TTYH3: variants seen among roughly 807,000 people sequenced by gnomAD.
TTYH3 encodes the protein tweety family member 3, also known as protein tweety homolog 3.
In TTYH3, 23 loss-of-function variants were observed where a neutral mutation model predicts 68.2. That is an observed-to-expected ratio of 0.34 (90% CI 0.24 to 0.48). TTYH3 has a LOEUF of 0.48. TTYH3 is among the 20% of genes least tolerant of loss of function. The pLI is 0.99. For missense variants in TTYH3, 768 were observed against 727.7 expected (o/e 1.06, Z -0.64); for synonymous variants, 360 against 332.8 (o/e 1.08, Z -0.89).
At chr7:2,637,108 G>T (rs770101632) in intron 1 of TTYH3, among the ~76,000 whole-genome samples, 2 of 152,056 alleles carry the variant, frequency 1.3e-5, no homozygotes, top group Admixed American at 6.5e-5. Context: ...CGGGACCCCC[G>T]CCTGCCCCCC....
At chr7:2,634,394 G>T (rs1425574115) in intron 1 of TTYH3, among the ~76,000 whole-genome samples, 2 of 152,112 alleles carry the variant, frequency 1.3e-5, no homozygotes, top group Non-Finnish European at 2.9e-5. Context: ...GGCCTGGGCT[G>T]TGGCAGGCGC....
intron 1 of TTYH3, among the ~76,000 whole-genome samples, chr7:2,644,250 C>A (rs988163504): frequency 6.6e-6 from 1 of 152,210 alleles, no homozygotes; most frequent in Non-Finnish European, 1.5e-5. Context: ...CTGGCAGGGC[C>A]TGCAGTCACA....
rs1412931886 is a variant in TTYH3, at chr7:2,661,637, C to T, written c.1501-31C>T. On this transcript the variant is annotated intron_variant, in intron 13 of 13. Transcript: ENST00000258796. ...TGGCTGCGTGCGCCATGCAGGGGCC[C>T]TGCTGATGCCTCCCCCTTGTCTCCC... is the stretch of plus-strand genomic sequence containing the variant. 7 of 1,606,590 alleles carry T rather than the reference C, an allele frequency of 4.4e-6. No individual in the cohort carries two copies. In the South Asian group the frequency reaches 7.8e-5, roughly 18 times the overall value.
Position 2,658,965 on chromosome 7 carries a change from C to G in TTYH3, c.1450C>G (p.Pro484Ala). Residue 484 changes from proline to alanine, a missense_variant, in exon 13 of 14, where the codon CCC becomes GCC. Pro to Ala is a conservative substitution (Grantham distance 27). Transcript: ENST00000258796. ...GAGCCAGAACGCTAATTTCCAGAACCCCCGCTGTGAGAACACCCCACTCAT... is the reference window on the plus strand; with the variant it reads ...GAGCCAGAACGCTAATTTCCAGAACGCCCGCTGTGAGAACACCCCACTCAT... ...YMSQNANFQN[P>A]RCENTPLIGR... is the part of the protein sequence containing the mutation. 1 of 1,614,084 alleles carries G rather than the reference C, an allele frequency of 6.2e-7. No individual in the cohort carries two copies. Among genetic ancestry groups the G allele is most frequent in the South Asian group, 1.1e-5 (1 of 91,072 alleles).
intron 13 of TTYH3, 42 bp downstream of exon 13, chr7:2,659,057 CT>C: frequency 6.4e-7 from 1 of 1,573,996 alleles, no homozygotes; most frequent in South Asian, 1.1e-5. Flanking sequence ...GCTGCTCAGC[CT>C]TGGGGGTCCG....
chr7:2,655,707 C>T (rs931875675), intron 9 of TTYH3, among the ~76,000 whole-genome samples: 2 of 152,230 alleles, frequency 1.3e-5, no homozygotes, highest in Non-Finnish European at 2.9e-5. Flanking sequence ...GTATGAGACT[C>T]TTCCCTTGTC....
chr7:2,658,312 AGGCCGCTCCAG>A lies in TTYH3; in HGVS notation c.1284_1294del (p.Pro429AlafsTer24). 6.3e-7 allele frequency: 1 copy of A among 1,595,754 alleles called. No homozygotes were observed. The highest frequency in any genetic ancestry group is 8.5e-7 in the Non-Finnish European group (1 of 1,170,938). On this transcript the variant is annotated frameshift_variant, in exon 12 of 14. Transcript: ENST00000258796. LOFTEE classifies it high-confidence loss of function. ...GGCCCTGATGAGGACGGGGAGGAGG[AGGCCGCTCCAG>A]GGCCGCGGCAGGCGCACGACAGCCT...
At chr7:2,658,871 G>T (rs1786411380) in intron 12 of TTYH3, 69 bp from the exon 13 acceptor site, 1 of 1,498,828 alleles carries the variant, frequency 6.7e-7, no homozygotes. Flanking sequence ...CTACCCATGG[G>T]CCCCCCGACC....
At chr7:2,659,828 C>G (rs987573393) in intron 13 of TTYH3, 1 of 1,216,478 alleles carries the variant, frequency 8.2e-7, no homozygotes, top group Admixed American at 2.7e-5. Flanking sequence ...CGGCTGCCCT[C>G]GTCCTCGCCA....
At chr7:2,636,375 T>G (rs1400161027) in intron 1 of TTYH3, among the ~76,000 whole-genome samples, 1 of 152,126 alleles carries the variant, frequency 6.6e-6, no homozygotes, top group Non-Finnish European at 1.5e-5. Context: ...GAAGCGTCCC[T>G]CCAGCTGGGT....
rs1238636651 is a variant in TTYH3 at position 2,632,277 on chromosome 7, A to G, written c.122A>G (p.Gln41Arg). The change falls in exon 1 of 14, where the codon CAG (glutamine) becomes CGG (arginine). Residue 41 changes from glutamine to arginine, a missense_variant and splice_region_variant. Transcript: ENST00000258796. ...QFRPEDTDYQ[Q>R]ALLLLGAAAL... ...CGGCCCGAGGACACCGACTACCAGC[A>G]GGTGACATGGGCCTCTCGGGGTCGC... The G allele has an allele frequency of 6.3e-7, 1 of 1,579,442 alleles. No homozygotes were observed. The highest frequency in any genetic ancestry group is 8.6e-7 in the Non-Finnish European group (1 of 1,160,070).
Position 2,656,076 on chromosome 7 carries a change from G to C in TTYH3, c.1021-16G>C, listed in dbSNP as rs1180496358. 6.5e-7 allele frequency: 1 copy of C among 1,528,734 alleles called. No individual in the cohort carries two copies. The highest frequency in any genetic ancestry group is 1.2e-5 in the South Asian group (1 of 83,250). The allele number at this position is 1,528,734 out of a possible 1,614,324, so 94.7% of individuals were successfully genotyped here. A position where few individuals can be genotyped will look rare whatever the true frequency, so the allele number is the denominator to read the frequency against. On this transcript the variant is annotated splice_polypyrimidine_tract_variant and intron_variant, in intron 9 of 13. Coordinates refer to ENST00000258796, the MANE Select transcript of TTYH3 (RefSeq NM_025250.3). ...TCCAAATGAAGTGCTGACCATCTGC[G>C]GTGCGTGCCCCCCAGGACCCCCTCC...
intron 11 of TTYH3, among the ~76,000 whole-genome samples, chr7:2,657,476 G>A (rs1208862672): frequency 6.6e-6 from 1 of 151,984 alleles, no homozygotes; most frequent in East Asian, 1.9e-4. Flanking sequence ...GATGGCATTG[G>A]TGATGTCGGT....
At chr7:2,652,054 C>CA in intron 7 of TTYH3, 133 bp from the exon 8 acceptor site, 1 of 744,268 alleles carries the variant, frequency 1.3e-6, no homozygotes, top group South Asian at 1.5e-5. Flanking sequence ...AACAGGTGCA[C>CA]ACAGACACAC....
At chr7:2,640,065 G>A (rs1042381275) in intron 1 of TTYH3, among the ~76,000 whole-genome samples, 1 of 152,214 alleles carries the variant, frequency 6.6e-6, no homozygotes, top group East Asian at 1.9e-4. Flanking sequence ...CTAGCAGCGT[G>A]GCTCCAGGAC....
chr7:2,636,032 G>C (rs1032107390), intron 1 of TTYH3, among the ~76,000 whole-genome samples: 1 of 152,230 alleles, frequency 6.6e-6, no homozygotes, highest in African/African-American at 2.4e-5. Context: ...CTCTGTTCCA[G>C]GCACTGTGCC....
intron 1 of TTYH3, among the ~76,000 whole-genome samples, chr7:2,637,767 G>A (rs1389359592): frequency 3.3e-5 from 5 of 152,250 alleles, no homozygotes; most frequent in African/African-American, 1.2e-4. Flanking sequence ...CGGGCCTGCC[G>A]CTATGTTCTG....
At chr7:2,641,287 G>A (rs548116610) in intron 1 of TTYH3, among the ~76,000 whole-genome samples, 2 of 152,244 alleles carry the variant, frequency 1.3e-5, no homozygotes, top group South Asian at 4.1e-4. Flanking sequence ...TGGGGTTTTG[G>A]GGGCTGCATT....
At chr7:2,638,939 C>T (rs996926862) in intron 1 of TTYH3, among the ~76,000 whole-genome samples, 12 of 152,208 alleles carry the variant, frequency 7.9e-5, no homozygotes, top group South Asian at 2.1e-4. Context: ...GGTAGTGGCT[C>T]GCACACGCCG....
Sources: gnomAD v4.1 joint callset for allele counts (sites outside exome capture counted in the v4.1 genomes callset) on GRCh38, gnomAD v4.1.1 for gene constraint, MANE v1.5 for transcripts, NCBI Gene and HGNC (gene_info 2026-07-23, HGNC 2026-07-21) for gene names.